Variants in YAP1 observed in about 807,000 individuals in gnomAD.
YAP1 encodes transcriptional coactivator YAP1.
A neutral mutation model predicts 56.9 loss-of-function variants in YAP1; 5 were observed. The ratio of observed to expected loss-of-function variants is 0.09; its 90% CI spans 0.05 to 0.18. The LOEUF (loss-of-function observed/expected upper bound fraction) is 0.18. Ranked by LOEUF, YAP1 falls within the 10% of genes least tolerant of loss-of-function variation. The probability of loss-of-function intolerance (pLI) is 1.00; values close to 1 mark genes in which losing one functional copy is unlikely to be tolerated. For synonymous variants in YAP1, 265 were observed against 248.1 expected, an observed-to-expected ratio of 1.07 and a Z score of -0.64; for missense variants, 539 against 651.8, an observed-to-expected ratio of 0.83 and a Z score of 1.88.
chr11:102,148,829 C>T lies in YAP1; in HGVS notation c.573-13627C>T, dbSNP rs569137820. ...GAAATGTTTGAAAGTATATAAAAGCCAAAAGAACAAATAAATGATCTCATA... is the reference window on the plus strand; with the variant it reads ...GAAATGTTTGAAAGTATATAAAAGCTAAAAGAACAAATAAATGATCTCATA... On this transcript the variant is annotated intron_variant, in intron 2 of 8. Transcript: ENST00000282441. Among the ~76,000 whole-genome samples the T allele has an allele frequency of 6.6e-5, 10 of 152,028 alleles. No homozygotes were observed. The South Asian group carries it at 2.1e-3, about 32-fold the overall frequency.
intron 6 of YAP1, among the ~76,000 whole-genome samples, chr11:102,221,731 T>TAAA (rs199559418): frequency 7.2e-6 from 1 of 139,338 alleles, no homozygotes. Context: ...TCAAAAAGAT[T>TAAA]AAAAAAAAAA....
chr11:102,172,535 G>A (rs1946976205), intron 3 of YAP1, among the ~76,000 whole-genome samples: 1 of 144,470 alleles, frequency 6.9e-6, no homozygotes, highest in Non-Finnish European at 1.5e-5. Context: ...TATGCCTATA[G>A]TCCCAGCTTT....
intron 4 of YAP1, among the ~76,000 whole-genome samples, chr11:102,188,379 C>G (rs553536741): frequency 1.6e-4 from 24 of 152,250 alleles, no homozygotes; most frequent in African/African-American, 5.8e-4. Flanking sequence ...AATTTTAGCT[C>G]CTTCAAACAA....
intron 2 of YAP1, among the ~76,000 whole-genome samples, chr11:102,118,603 T>G (rs1017127268): frequency 6.6e-6 from 1 of 151,648 alleles, no homozygotes; most frequent in African/African-American, 2.4e-5. Context: ...ATACAAAAAT[T>G]AGCCGGGTGT....
At chr11:102,134,100 C>T (rs146611842) in intron 2 of YAP1, among the ~76,000 whole-genome samples, 4 of 152,274 alleles carry the variant, frequency 2.6e-5, no homozygotes, top group East Asian at 1.9e-4. Context: ...AGCACTTCAG[C>T]GATGACTTTT....
At chr11:102,209,455 G>C in intron 5 of YAP1, 62 bp from the exon 6 acceptor site, 1 of 1,433,310 alleles carries the variant, frequency 7.0e-7, no homozygotes, top group Non-Finnish European at 9.7e-7. Flanking sequence ...TTGTAAGTCA[G>C]CCTACACAGC....
intron 2 of YAP1, among the ~76,000 whole-genome samples, chr11:102,158,167 A>G (rs779780064): frequency 9.2e-5 from 14 of 152,232 alleles, no homozygotes; most frequent in Non-Finnish European, 1.8e-4. Context: ...TAGAAGAAAC[A>G]TATTTTCAAA....
intron 2 of YAP1, among the ~76,000 whole-genome samples, chr11:102,115,792 A>C (rs2135123843): frequency 6.6e-6 from 1 of 152,254 alleles, no homozygotes; most frequent in African/African-American, 2.4e-5. Context: ...GCTGTGAAGG[A>C]TGTGTCTTGA....
At chr11:102,139,903 A>G (rs1286376986) in intron 2 of YAP1, among the ~76,000 whole-genome samples, 1 of 152,208 alleles carries the variant, frequency 6.6e-6, no homozygotes, top group East Asian at 1.9e-4. Context: ...GAAAATGAAA[A>G]TAGCCTAATT....
chr11:102,220,597 GA>G (rs1271925218), intron 6 of YAP1, among the ~76,000 whole-genome samples: 1 of 150,184 alleles, frequency 6.7e-6, no homozygotes. Flanking sequence ...TAGGGAAGGA[GA>G]AAAAAAAATA....
intron 7 of YAP1, among the ~76,000 whole-genome samples, chr11:102,225,439 C>G (rs763955248): frequency 6.6e-6 from 1 of 152,198 alleles, no homozygotes; most frequent in Non-Finnish European, 1.5e-5. Context: ...GAGCCGAGAT[C>G]ATGCCGTTGC....
intron 7 of YAP1, among the ~76,000 whole-genome samples, chr11:102,224,868 C>T (rs1950119021): frequency 6.6e-6 from 1 of 152,142 alleles, no homozygotes; most frequent in African/African-American, 2.4e-5. Flanking sequence ...ACTTTTTTTC[C>T]AACAAGGAAA....
At chr11:102,191,912 A>C (rs965885361) in intron 4 of YAP1, among the ~76,000 whole-genome samples, 1 of 152,144 alleles carries the variant, frequency 6.6e-6, no homozygotes, top group Non-Finnish European at 1.5e-5. Context: ...GGGCTCAAGC[A>C]GTCTACCTGC....
chr11:102,119,520 GGT>G (rs1215566679), intron 2 of YAP1, among the ~76,000 whole-genome samples: 1 of 151,632 alleles, frequency 6.6e-6, no homozygotes, highest in Non-Finnish European at 1.5e-5. Flanking sequence ...TTGACTGCAA[GGT>G]GGTAGGCTAA....
intron 2 of YAP1, among the ~76,000 whole-genome samples, chr11:102,118,195 A>G (rs1416458283): frequency 6.6e-6 from 1 of 152,222 alleles, no homozygotes; most frequent in Admixed American, 6.5e-5. Flanking sequence ...ATGTTCTAAT[A>G]ATTTTTAAAG....
intron 3 of YAP1, among the ~76,000 whole-genome samples, chr11:102,169,770 C>G (rs1252384702): frequency 2.6e-5 from 4 of 151,870 alleles, no homozygotes; most frequent in Non-Finnish European, 5.9e-5. Context: ...TATAGCCAAT[C>G]CTTAAGAAGC....
chr11:102,114,194 A>C lies in YAP1; in HGVS notation c.372A>C (p.Arg124=). The stretch of plus-strand genomic sequence containing the variant: ...GAGCCCTGACTCCACAGCATGTTCG[A>C]GCTCATTCCTCTCCAGCTTCTCTGC... The part of the protein sequence containing the change: ...TAGALTPQHV[R]AHSSPASLQL... The change falls in exon 2 of 9, where the codon CGA becomes CGC. Residue 124 remains arginine, a synonymous_variant. Transcript: ENST00000282441. The C allele has an allele frequency of 1.2e-6, 2 of 1,613,996 alleles. No homozygotes were observed. Among genetic ancestry groups the C allele is most frequent in the Non-Finnish European group, 1.7e-6 (2 of 1,179,864 alleles).
At chr11:102,225,368 C>G (rs764417732) in intron 7 of YAP1, among the ~76,000 whole-genome samples, 3 of 152,034 alleles carry the variant, frequency 2.0e-5, no homozygotes, top group African/African-American at 2.4e-5. Flanking sequence ...GCCTATAATC[C>G]CAGCTACTCG....
chr11:102,174,872 G>A (rs749051262), intron 3 of YAP1, among the ~76,000 whole-genome samples: 2 of 152,194 alleles, frequency 1.3e-5, no homozygotes, highest in Non-Finnish European at 2.9e-5. Context: ...GCACCAGTAT[G>A]CTGGTGCATA....
Sources: allele counts gnomAD v4.1 joint callset (sites outside exome capture counted in the v4.1 genomes callset), GRCh38; gene constraint gnomAD v4.1.1; transcripts MANE v1.5; gene names NCBI Gene and HGNC (gene_info 2026-07-23, HGNC 2026-07-21).